GRIK2: variants seen among roughly 807,000 people sequenced by gnomAD.
GRIK2 encodes the protein glutamate receptor ionotropic, kainate 2.
A neutral mutation model predicts 100.3 loss-of-function variants in GRIK2; 32 were observed. The observed-to-expected ratio is 0.32, with a 90% CI of 0.24 to 0.43. GRIK2 has a LOEUF of 0.43. Among genes scored for constraint, GRIK2 ranks in the 20% least tolerant of loss-of-function variants. The pLI is 1.00. For synonymous variants in GRIK2, 417 were observed against 389.4 expected (o/e 1.07, Z -0.83); for missense variants, 843 against 1,114.9 (o/e 0.76, Z 3.47).
At chr6:101,467,978 C>T (rs947602156) in intron 2 of GRIK2, among the ~76,000 whole-genome samples, 1 of 150,542 alleles carries the variant, frequency 6.6e-6, no homozygotes, top group Non-Finnish European at 1.5e-5. Flanking sequence ...TCTCAGGGCA[C>T]GAGAAGAGAG....
At chr6:101,627,636 A>C (rs2128319127) in intron 4 of GRIK2, among the ~76,000 whole-genome samples, 1 of 152,310 alleles carries the variant, frequency 6.6e-6, no homozygotes. Flanking sequence ...AGGTTAGAAA[A>C]GTTTTTACTC....
chr6:102,035,900 A>G (rs528459096), intron 15 of GRIK2, among the ~76,000 whole-genome samples: 1 of 151,460 alleles, frequency 6.6e-6, no homozygotes, highest in African/African-American at 2.4e-5. Flanking sequence ...TTTTGTAACA[A>G]TTTACTTTTT....
intron 12 of GRIK2, among the ~76,000 whole-genome samples, chr6:101,909,724 CTG>C (rs1265271581): frequency 1.3e-5 from 2 of 150,572 alleles, no homozygotes; most frequent in African/African-American, 4.9e-5. Flanking sequence ...AAGTGTGTTT[CTG>C]TATATCTGTG....
At chr6:101,972,675 G>A (rs768307539) in intron 14 of GRIK2, among the ~76,000 whole-genome samples, 7 of 151,458 alleles carry the variant, frequency 4.6e-5, no homozygotes, top group African/African-American at 1.5e-4. Context: ...GTTTGTAGTC[G>A]AAGGTCTTAT....
chr6:101,594,389 C>T (rs1044204615), intron 2 of GRIK2, among the ~76,000 whole-genome samples: 2 of 151,774 alleles, frequency 1.3e-5, no homozygotes, highest in African/African-American at 2.4e-5. Context: ...TTCATATCCT[C>T]CTGGAGTTAT....
chr6:101,694,438 A>G (rs1402663478), intron 7 of GRIK2, among the ~76,000 whole-genome samples: 1 of 152,122 alleles, frequency 6.6e-6, no homozygotes, highest in Non-Finnish European at 1.5e-5. Flanking sequence ...ACGCTAATTA[A>G]TTAAAAGATA....
intron 14 of GRIK2, among the ~76,000 whole-genome samples, chr6:102,031,188 G>A (rs956893157): frequency 6.8e-6 from 1 of 148,090 alleles, no homozygotes; most frequent in Non-Finnish European, 1.5e-5. Flanking sequence ...TCCAAGTACT[G>A]TTTCCTTAGA....
intron 14 of GRIK2, among the ~76,000 whole-genome samples, chr6:101,955,504 A>T (rs953447518): frequency 4.6e-5 from 7 of 151,566 alleles, no homozygotes; most frequent in Non-Finnish European, 8.8e-5. Flanking sequence ...AAGAGAAACA[A>T]AAAAAAGCAG....
chr6:101,748,573 T>C (rs958402621), intron 7 of GRIK2, among the ~76,000 whole-genome samples: 25 of 152,118 alleles, frequency 1.6e-4, no homozygotes, highest in African/African-American at 5.8e-4. Context: ...TAAATATTTA[T>C]ATAAATTTAT....
At chr6:101,930,351 A>AT (rs1554288359) in intron 14 of GRIK2, among the ~76,000 whole-genome samples, 2 of 6,006 alleles carry the variant, frequency 3.3e-4, no homozygotes, top group African/African-American at 5.9e-4. Context: ...TCAAAAAAAA[A>AT]AAATAAAATA....
intron 14 of GRIK2, among the ~76,000 whole-genome samples, chr6:101,938,266 A>C (rs560751252): frequency 6.6e-6 from 1 of 152,132 alleles, no homozygotes; most frequent in Non-Finnish European, 1.5e-5. Flanking sequence ...CAAGTGATGC[A>C]CCCTTCTGAT....
chr6:101,985,191 A>T (rs1045779373), intron 14 of GRIK2, among the ~76,000 whole-genome samples: 1 of 151,798 alleles, frequency 6.6e-6, no homozygotes, highest in African/African-American at 2.4e-5. Context: ...ATTCAATGAA[A>T]AAAAAGTAGG....
At chr6:101,818,524 T>G (rs561404499) in intron 10 of GRIK2, 41 bp downstream of exon 10, 4 of 1,073,576 alleles carry the variant, frequency 3.7e-6, no homozygotes, top group Non-Finnish European at 5.8e-6. Context: ...TAAATGTAGA[T>G]GAACACAGAA....
At chr6:101,942,256 T>C (rs1338149672) in intron 14 of GRIK2, among the ~76,000 whole-genome samples, 2 of 152,136 alleles carry the variant, frequency 1.3e-5, no homozygotes, top group Non-Finnish European at 2.9e-5. Flanking sequence ...CATGGGGGCA[T>C]TTTCTAATCG....
chr6:102,016,506 G>A (rs1423096220), intron 14 of GRIK2, among the ~76,000 whole-genome samples: 1 of 150,070 alleles, frequency 6.7e-6, no homozygotes, highest in African/African-American at 2.5e-5. Context: ...TTGTGCACAT[G>A]TACCCTAAAA....
At chr6:101,602,546 T>A (rs72961170) in intron 2 of GRIK2, among the ~76,000 whole-genome samples, 13,816 of 151,226 alleles carry the variant, frequency 0.091, 724 homozygotes, top group Admixed American at 0.15. Context: ...AGGGAGAGAA[T>A]GAATGATTAG....
At chr6:101,551,661 G>T (rs1776514109) in intron 2 of GRIK2, among the ~76,000 whole-genome samples, 1 of 152,114 alleles carries the variant, frequency 6.6e-6, no homozygotes, top group Non-Finnish European at 1.5e-5. Context: ...GAACAAGGAA[G>T]ACAAAGCCTC....
At chr6:101,917,647 T>C (rs1789204988) in intron 12 of GRIK2, among the ~76,000 whole-genome samples, 1 of 151,636 alleles carries the variant, frequency 6.6e-6, no homozygotes, top group Admixed American at 6.6e-5. Flanking sequence ...CTGTATTTTC[T>C]TTTGAGAATT....
chr6:101,681,155 G>A (rs1330938879), intron 5 of GRIK2, among the ~76,000 whole-genome samples: 2 of 152,052 alleles, frequency 1.3e-5, no homozygotes, highest in Non-Finnish European at 2.9e-5. Context: ...CATAGTAGGT[G>A]TACATATTTA....
Sources: gnomAD v4.1 joint callset for allele counts (sites outside exome capture counted in the v4.1 genomes callset) on GRCh38, gnomAD v4.1.1 for gene constraint, MANE v1.5 for transcripts, NCBI Gene and HGNC (gene_info 2026-07-23, HGNC 2026-07-21) for gene names.